The following SLC10A6 variants were observed in gnomAD, a reference collection of about 807,000 sequenced individuals.
SLC10A6 encodes the protein solute carrier family 10 member 6.
A neutral mutation model predicts 30.0 loss-of-function variants in SLC10A6; 27 were observed. That is an observed-to-expected ratio of 0.90 (90% confidence interval 0.66 to 1.24). SLC10A6 has a LOEUF of 1.24. SLC10A6 is among the 50% of genes most tolerant of loss of function. The pLI is 0.00. For missense variants in SLC10A6, 439 were observed against 457.0 expected, an observed-to-expected ratio of 0.96 and a Z score of 0.36; for synonymous variants, 166 against 173.8, an observed-to-expected ratio of 0.95 and a Z score of 0.36.
chr4:86,837,341 GGA>G (rs1491126826), intron 1 of SLC10A6, among the ~76,000 whole-genome samples: 1 of 150,534 alleles, frequency 6.6e-6, no homozygotes, highest in Admixed American at 6.6e-5. Flanking sequence ...AAGGAAGGAA[GGA>G]AGGCAGGCAG....
intron 1 of SLC10A6, chr4:86,837,756 T>C (rs1266744157): frequency 2.6e-6 from 1 of 388,782 alleles, no homozygotes; most frequent in Non-Finnish European, 3.5e-6. Context: ...TCAAATATTT[T>C]ATCTTTCAAT....
chr4:86,823,637 C>T lies in SLC10A6; in HGVS notation c.*51G>A, dbSNP rs1461498263. 8 of 1,458,558 alleles carry T rather than the reference C, an allele frequency of 5.5e-6. No individual in the cohort carries two copies. Among genetic ancestry groups the T allele is most frequent in the African/African-American group, 1.4e-5 (1 of 70,942 alleles). The allele number at this position is 1,458,558 out of a possible 1,614,324, so 90.4% of individuals were successfully genotyped here. On this transcript the variant is annotated 3_prime_UTR_variant, in exon 6 of 6. Transcript: ENST00000273905. The stretch of plus-strand genomic sequence containing the variant: ...GATTCATGTGTCAGCTGCACACTGT[C>T]TTTACTGGCCACTGAAAAAGAAGGG...
chr4:86,835,234 C>T (rs541782653), intron 1 of SLC10A6, among the ~76,000 whole-genome samples: 2 of 152,344 alleles, frequency 1.3e-5, no homozygotes, highest in South Asian at 2.1e-4. Context: ...GTGACCCCCA[C>T]AGTCGCTGAC....
At chr4:86,829,492 C>T (rs1162260334) in intron 3 of SLC10A6, among the ~76,000 whole-genome samples, 1 of 151,848 alleles carries the variant, frequency 6.6e-6, no homozygotes, top group Non-Finnish European at 1.5e-5. Context: ...GTTTAATATC[C>T]ACCAAGAGCA....
chr4:86,840,065 A>G (rs1401596315), intron 1 of SLC10A6, among the ~76,000 whole-genome samples: 3 of 150,652 alleles, frequency 2.0e-5, no homozygotes, highest in Non-Finnish European at 2.9e-5. Context: ...ACCCGCCACC[A>G]CACCAGGCTA....
At chr4:86,838,278 T>C (rs1441472463) in intron 1 of SLC10A6, among the ~76,000 whole-genome samples, 1 of 152,188 alleles carries the variant, frequency 6.6e-6, no homozygotes, top group African/African-American at 2.4e-5. Flanking sequence ...GGCTCATGAA[T>C]TATACACATG....
At chr4:86,837,526 C>T (rs1560460582) in intron 1 of SLC10A6, 1 of 884,314 alleles carries the variant, frequency 1.1e-6, no homozygotes, top group Non-Finnish European at 1.4e-6. Flanking sequence ...GGCTAAAAGC[C>T]AATAAAAATC....
intron 1 of SLC10A6, among the ~76,000 whole-genome samples, chr4:86,834,705 C>T (rs1746150913): frequency 6.6e-6 from 1 of 152,056 alleles, no homozygotes; most frequent in Non-Finnish European, 1.5e-5. Context: ...GTGTATTAGG[C>T]TGTTTGCATG....
At chr4:86,842,742 G>A (rs1746312063) in intron 1 of SLC10A6, among the ~76,000 whole-genome samples, 2 of 149,692 alleles carry the variant, frequency 1.3e-5, no homozygotes, top group Admixed American at 6.6e-5. Flanking sequence ...GAAAAGACAA[G>A]ACAGTGGGAG....
chr4:86,836,523 C>A (rs1356615317), intron 1 of SLC10A6, among the ~76,000 whole-genome samples: 1 of 152,160 alleles, frequency 6.6e-6, no homozygotes, highest in African/African-American at 2.4e-5. Flanking sequence ...CTCTCTTCCA[C>A]CACGTGAGGA....
intron 1 of SLC10A6, among the ~76,000 whole-genome samples, chr4:86,835,566 C>T (rs1746165390): frequency 6.6e-6 from 1 of 151,992 alleles, no homozygotes; most frequent in South Asian, 2.1e-4. Context: ...ACTTGGTAGG[C>T]TAAGGCAGGA....
chr4:86,844,304 C>G (rs933212059), intron 1 of SLC10A6, among the ~76,000 whole-genome samples: 2 of 152,218 alleles, frequency 1.3e-5, no homozygotes, highest in Non-Finnish European at 2.9e-5. Flanking sequence ...GAGCCCTTAA[C>G]TACTACACCG....
At chr4:86,825,331 A>G in intron 5 of SLC10A6, 89 bp downstream of exon 5, 1 of 1,251,182 alleles carries the variant, frequency 8.0e-7, no homozygotes, top group East Asian at 2.4e-5. Context: ...CAGGGGCAGC[A>G]CATGCAAGTT....
At chr4:86,836,586 C>T (rs1746188664) in intron 1 of SLC10A6, among the ~76,000 whole-genome samples, 1 of 152,262 alleles carries the variant, frequency 6.6e-6, no homozygotes. Flanking sequence ...CTTAGACTTC[C>T]CAGCCTCCAG....
At position 86,833,431 on chromosome 4, in the gene SLC10A6, G is replaced by T. The variant is rs752864827; in HGVS notation, c.378-7C>A. The T allele has an allele frequency of 6.9e-6, 11 of 1,599,636 alleles. No homozygotes were observed. The highest frequency in any genetic ancestry group is 9.4e-6 in the Non-Finnish European group (11 of 1,167,260). ...ACAGGTTGTCATACTGATGCTGAAA[G>T]TAAAATTAATACAATGCTTAGGAGG... is the stretch of plus-strand genomic sequence containing the variant. On this transcript the variant is annotated splice_polypyrimidine_tract_variant and splice_region_variant and intron_variant, in intron 1 of 5. Coordinates refer to ENST00000273905, the MANE Select transcript of SLC10A6 (RefSeq NM_197965.3).
At chr4:86,835,666 C>CA (rs894437136) in intron 1 of SLC10A6, among the ~76,000 whole-genome samples, 3 of 120,070 alleles carry the variant, frequency 2.5e-5, no homozygotes, top group South Asian at 2.6e-4. Flanking sequence ...AACTCCATCT[C>CA]AAAAAAAAAG....
intron 3 of SLC10A6, among the ~76,000 whole-genome samples, chr4:86,828,839 A>G (rs1746037829): frequency 6.6e-6 from 1 of 152,200 alleles, no homozygotes; most frequent in Non-Finnish European, 1.5e-5. Flanking sequence ...AGATTTAGAT[A>G]AAATAGGAAG....
Position 86,828,144 on chromosome 4 carries a change from G to A in SLC10A6, c.610C>T (p.Leu204Phe), listed in dbSNP as rs61734716. Residue 204 changes from leucine (L) to phenylalanine (F), a missense_variant, in exon 4 of 6, where the codon CTC (leucine) becomes TTC (phenylalanine). Coordinates refer to ENST00000273905, the MANE Select transcript of SLC10A6 (RefSeq NM_197965.3). ...CCAGCAACTGCGACCACCAGAAGGA[G>A]GACCCCACCAACAACGGCCCCAATC... ...LKIGAVVGGVLLLVVAVAGVV... is the reference protein window; with the variant it reads ...LKIGAVVGGVFLLVVAVAGVV... 2,800 of 1,612,496 alleles carry A rather than the reference G, an allele frequency of 1.7e-3. 54 individuals are homozygous for A. The African/African-American group carries it at 0.034, about 19-fold the overall frequency.
At chr4:86,831,958 A>G in intron 2 of SLC10A6, 78 bp from the exon 3 acceptor site, 1 of 1,158,338 alleles carries the variant, frequency 8.6e-7, no homozygotes, top group South Asian at 1.3e-5. Context: ...CTTCTATTTC[A>G]ATTAGGTAAC....
Sources: gnomAD v4.1 joint callset for allele counts (sites outside exome capture counted in the v4.1 genomes callset) on GRCh38, gnomAD v4.1.1 for gene constraint, MANE v1.5 for transcripts, NCBI Gene and HGNC (gene_info 2026-07-23, HGNC 2026-07-21) for gene names.